The following ST7 variants were observed in gnomAD, a reference collection of about 807,000 sequenced individuals.
The protein encoded by ST7 is suppression of tumorigenicity 7.
A neutral mutation model predicts 78.7 loss-of-function variants in ST7; 28 were observed. That is an observed-to-expected ratio of 0.36 (90% CI 0.26 to 0.49). ST7 has a LOEUF of 0.49. Ranked by LOEUF, ST7 falls within the 20% of genes least tolerant of loss-of-function variation. ST7 has a pLI of 0.99. For missense variants in ST7, 418 were observed against 696.0 expected (o/e 0.60, Z 4.49); for synonymous variants, 247 against 249.6 (o/e 0.99, Z 0.10).
intron 10 of ST7, among the ~76,000 whole-genome samples, chr7:117,172,914 A>T (rs1310008550): frequency 6.6e-6 from 1 of 152,236 alleles, no homozygotes; most frequent in African/African-American, 2.4e-5. Context: ...AGAAATCATC[A>T]GCCTCGTGTT....
chr7:116,978,917 A>G (rs1399327064), intron 1 of ST7, among the ~76,000 whole-genome samples: 2 of 152,226 alleles, frequency 1.3e-5, no homozygotes, highest in African/African-American at 4.8e-5. Flanking sequence ...GCAACTGAAG[A>G]AAATTTAATA....
chr7:117,041,262 G>C (rs1284678862), intron 1 of ST7, among the ~76,000 whole-genome samples: 1 of 152,170 alleles, frequency 6.6e-6, no homozygotes, highest in Non-Finnish European at 1.5e-5. Context: ...AATTCTAGTA[G>C]ATGAGCAAGC....
intron 2 of ST7, among the ~76,000 whole-genome samples, chr7:117,109,521 T>C (rs1802249626): frequency 6.6e-6 from 1 of 152,014 alleles, no homozygotes; most frequent in African/African-American, 2.4e-5. Flanking sequence ...TAGGAAGAAA[T>C]TGAAAGTCTG....
At chr7:117,127,102 A>G (rs1479772938) in intron 3 of ST7, among the ~76,000 whole-genome samples, 1 of 151,884 alleles carries the variant, frequency 6.6e-6, no homozygotes, top group Non-Finnish European at 1.5e-5. Context: ...ATCAACTTCT[A>G]GTGCATCTTG....
At chr7:116,966,361 G>A (rs1003256072) in intron 1 of ST7, among the ~76,000 whole-genome samples, 8 of 150,354 alleles carry the variant, frequency 5.3e-5, no homozygotes, top group African/African-American at 1.2e-4. Context: ...AGTGATTCTC[G>A]GGCTTCAGCC....
At chr7:116,980,008 G>A (rs952660219) in intron 1 of ST7, among the ~76,000 whole-genome samples, 4 of 111,968 alleles carry the variant, frequency 3.6e-5, no homozygotes, top group Admixed American at 1.4e-4. Context: ...GCATGGGCTG[G>A]AGTGCAGTGC....
chr7:117,131,030 C>T (rs769557544), intron 5 of ST7, among the ~76,000 whole-genome samples: 6 of 151,624 alleles, frequency 4.0e-5, no homozygotes, highest in South Asian at 2.1e-4. Context: ...TAACTAGCAT[C>T]GAATGGGGTC....
chr7:117,024,844 A>T (rs1276986315), intron 1 of ST7, among the ~76,000 whole-genome samples: 2 of 152,166 alleles, frequency 1.3e-5, no homozygotes, highest in African/African-American at 4.8e-5. Context: ...GATGCTGGCA[A>T]TAATTTGGGA....
rs1486855727 is a variant in ST7 at position 117,219,352 on chromosome 7, T to C, written c.1498+176T>C. Among the ~76,000 whole-genome samples, 2 of 152,212 alleles carry C rather than the reference T, an allele frequency of 1.3e-5. No individual in the cohort carries two copies. Among genetic ancestry groups the C allele is most frequent in the Non-Finnish European group, 2.9e-5 (2 of 68,030 alleles). ...ATTATGTGAGTGGGTTTGGCTTCCTTTTCCTCCAAGTCTCTCCAAATTTAT... is the reference window on the plus strand; with the variant it reads ...ATTATGTGAGTGGGTTTGGCTTCCTCTTCCTCCAAGTCTCTCCAAATTTAT... On this transcript the variant is annotated intron_variant, in intron 14 of 15. Transcript: ENST00000323984. The surrounding 1 kb of genome is among the most constrained non-coding windows in gnomAD (Gnocchi z 5.1).
At chr7:117,066,167 T>C (rs569014342) in intron 1 of ST7, among the ~76,000 whole-genome samples, 87 of 152,356 alleles carry the variant, frequency 5.7e-4, no homozygotes, top group Middle Eastern at 6.8e-3. Context: ...AGAAATAACA[T>C]TTAGCAAGCC....
At chr7:117,199,971 A>C (rs1044958652) in intron 12 of ST7, among the ~76,000 whole-genome samples, 2 of 152,084 alleles carry the variant, frequency 1.3e-5, no homozygotes, top group Non-Finnish European at 2.9e-5. Context: ...TCAACTCTGA[A>C]AACCTTGAAC....
intron 1 of ST7, among the ~76,000 whole-genome samples, chr7:117,031,476 G>A (rs1480912145): frequency 6.9e-6 from 1 of 144,480 alleles, no homozygotes; most frequent in African/African-American, 2.6e-5. Flanking sequence ...ATGCATATAT[G>A]TGTGTATATG....
At chr7:117,040,746 G>A (rs1363253788) in intron 1 of ST7, among the ~76,000 whole-genome samples, 1 of 152,194 alleles carries the variant, frequency 6.6e-6, no homozygotes, top group East Asian at 1.9e-4. Flanking sequence ...TTTACTGGGA[G>A]GCCAGGTTGC....
intron 1 of ST7, among the ~76,000 whole-genome samples, chr7:117,084,505 C>G (rs1426874164): frequency 6.6e-6 from 1 of 152,166 alleles, no homozygotes; most frequent in African/African-American, 2.4e-5. Context: ...GTTAGGAACT[C>G]AGGCTTCAGC....
chr7:117,226,636 T>C (rs1793463461), intron 15 of ST7, among the ~76,000 whole-genome samples: 1 of 152,186 alleles, frequency 6.6e-6, no homozygotes, highest in African/African-American at 2.4e-5. Context: ...GAGCTTTTAT[T>C]TGGTTATGAA....
intron 1 of ST7, among the ~76,000 whole-genome samples, chr7:116,968,050 G>A (rs1260964121): frequency 1.3e-5 from 2 of 152,138 alleles, no homozygotes; most frequent in Admixed American, 6.5e-5. Flanking sequence ...TTAACTCTTT[G>A]TATTCTGTTA....
chr7:117,174,580 G>A (rs559211350), intron 10 of ST7, among the ~76,000 whole-genome samples: 2 of 152,022 alleles, frequency 1.3e-5, no homozygotes, highest in Non-Finnish European at 1.5e-5. Context: ...TAAAAACGGA[G>A]GTGGTCTCAC....
Position 117,138,408 on chromosome 7 carries a change from G to A in ST7, c.866-27G>A, listed in dbSNP as rs1469965562. ...CTCTGTATTTTTTTTTTTTTTAAAT[G>A]TTGGTGTTTTATATCTCCCTCTTCA... On this transcript the variant is annotated intron_variant, in intron 8 of 15. Coordinates refer to ENST00000323984, the MANE Select transcript of ST7 (RefSeq NM_001369598.1). The A allele has an allele frequency of 2.2e-6, 3 of 1,391,628 alleles. No homozygotes were observed. In the African/African-American group the frequency reaches 4.4e-5, roughly 21 times the overall value. The allele number at this position is 1,391,628 out of a possible 1,614,324, so 86.2% of individuals were successfully genotyped here.
At chr7:116,978,855 A>T (rs1793822562) in intron 1 of ST7, among the ~76,000 whole-genome samples, 1 of 152,172 alleles carries the variant, frequency 6.6e-6, no homozygotes, top group South Asian at 2.1e-4. Flanking sequence ...CCAAAGTGCT[A>T]AGATTACAGG....
Sources: allele counts gnomAD v4.1 joint callset (sites outside exome capture counted in the v4.1 genomes callset), GRCh38; gene constraint gnomAD v4.1.1; non-coding constraint Gnocchi (gnomAD v3.1); transcripts MANE v1.5; gene names NCBI Gene and HGNC (gene_info 2026-07-23, HGNC 2026-07-21).